Variants in ZNF395 observed in about 807,000 individuals in gnomAD.
ZNF395 encodes zinc finger protein 395.
A neutral mutation model predicts 57.7 loss-of-function variants in ZNF395; 20 were observed. That is an observed-to-expected ratio of 0.35 (90% confidence interval 0.24 to 0.50). ZNF395 has a LOEUF of 0.50. Among genes scored for constraint, ZNF395 ranks in the 20% least tolerant of loss-of-function variants. ZNF395 has a pLI of 0.97. For synonymous variants in ZNF395, 295 were observed against 275.9 expected (o/e 1.07, Z -0.69); for missense variants, 606 against 671.2 (o/e 0.90, Z 1.07).
Position 28,356,615 on chromosome 8 carries a change from T to A in ZNF395, c.583+55A>T. 1 of 1,356,392 alleles carries A rather than the reference T, an allele frequency of 7.4e-7. No individual in the cohort carries two copies. The highest frequency in any genetic ancestry group is 1.0e-6 in the Non-Finnish European group (1 of 955,856). 84.0% of individuals were successfully genotyped at this position (1,356,392 alleles called of 1,614,324 possible). ...GCAACTAGCTGCTCTGCACAGAGGA[T>A]GTTTGTCGTGGGCCTCTACCATGCC... On this transcript the variant is annotated intron_variant, in intron 4 of 9. Transcript: ENST00000344423. This position sits in a 1 kb window ranked among gnomAD's most constrained non-coding sequence, Gnocchi z 4.0.
rs1177563195 is a variant in ZNF395, at chr8:28,352,999, A to G, written c.819+174T>C. Among the ~76,000 whole-genome samples the G allele has an allele frequency of 1.3e-5, 2 of 152,198 alleles. No homozygotes were observed. The highest frequency in any genetic ancestry group is 2.9e-5 in the Non-Finnish European group (2 of 68,032). On this transcript the variant is annotated intron_variant, in intron 5 of 9. Transcript: ENST00000344423. This position sits in a 1 kb window ranked among gnomAD's most constrained non-coding sequence, Gnocchi z 4.0. ...AAACAGAAGAGGCTTTAAATAGGAG[A>G]AGGAGAATCCTGGGAATATCACCAG...
chr8:28,361,440 T>C (rs1490373283), intron 1 of ZNF395, among the ~76,000 whole-genome samples: 1 of 152,232 alleles, frequency 6.6e-6, no homozygotes, highest in Non-Finnish European at 1.5e-5. Flanking sequence ...AAAATGGGAT[T>C]GTTGTTTGGT....
Position 28,353,394 on chromosome 8 carries a change from AG to A in ZNF395, c.597del (p.Cys200AlafsTer77). On this transcript the variant is annotated frameshift_variant, in exon 5 of 10. Coordinates refer to ENST00000344423, the MANE Select transcript of ZNF395 (RefSeq NM_018660.3). LOFTEE classifies it high-confidence loss of function. ...TEANFSASRA[A>X]CDPWKESGDI... is the part of the protein sequence containing the mutation. ...TCACCACTCTCCTTCCATGGGTCGC[AG>A]GCCGCACGGGAAGCTGGCCAGATGA... 6.5e-7 allele frequency: 1 copy of A among 1,545,184 alleles called. No homozygotes were observed. The highest frequency in any genetic ancestry group is 1.2e-5 in the South Asian group (1 of 80,422).
In ZNF395 at chr8:28,360,870, T is replaced by G. The variant is rs17059022; in HGVS notation, c.240+15A>C. On this transcript the variant is annotated intron_variant, in intron 2 of 9. Transcript: ENST00000344423. ...TGGCAAGACGGGACACCTGTCCATG[T>G]TGGGATCAACCTACCTTCTGCCCAG... is the stretch of plus-strand genomic sequence containing the variant. The G allele has an allele frequency of 8.1e-6, 13 of 1,612,630 alleles. No homozygotes were observed. In the African/African-American group the frequency reaches 1.7e-4, roughly 22 times the overall value.
chr8:28,379,730 G>C (rs929133801), intron 1 of ZNF395, among the ~76,000 whole-genome samples: 1 of 151,366 alleles, frequency 6.6e-6, no homozygotes, highest in South Asian at 2.1e-4. Flanking sequence ...ATCACTGAAT[G>C]AATCATCTAC....
intron 1 of ZNF395, among the ~76,000 whole-genome samples, chr8:28,370,167 T>G (rs1437168604): frequency 1.3e-5 from 2 of 151,634 alleles, no homozygotes; most frequent in African/African-American, 4.9e-5. Flanking sequence ...ATTTTTGACA[T>G]CAGTTAGATA....
At chr8:28,374,227 TAA>T (rs1419566635) in intron 1 of ZNF395, among the ~76,000 whole-genome samples, 1 of 152,150 alleles carries the variant, frequency 6.6e-6, no homozygotes, top group Non-Finnish European at 1.5e-5. Context: ...GGCAATTCAG[TAA>T]AGAGACCTTA....
chr8:28,350,179 C>T, intron 7 of ZNF395, 23 bp from the exon 8 acceptor site: 1 of 1,580,910 alleles, frequency 6.3e-7, no homozygotes, highest in Non-Finnish European at 8.6e-7. Context: ...AGGGTGTCAG[C>T]CCGGATTCTA....
chr8:28,358,041 T>G (rs1315103671), intron 3 of ZNF395, among the ~76,000 whole-genome samples: 1 of 152,228 alleles, frequency 6.6e-6, no homozygotes, highest in African/African-American at 2.4e-5. Flanking sequence ...GTAAGCATGC[T>G]GCAGGCTGTG....
At chr8:28,351,880 G>A in intron 6 of ZNF395, 73 bp from the exon 7 acceptor site, 2 of 1,482,022 alleles carry the variant, frequency 1.3e-6, no homozygotes, top group East Asian at 2.3e-5. Flanking sequence ...CCGCGGTAGG[G>A]AGGGAAGTGA....
chr8:28,371,164 T>C (rs1801971296), intron 1 of ZNF395, among the ~76,000 whole-genome samples: 1 of 152,182 alleles, frequency 6.6e-6, no homozygotes, highest in Non-Finnish European at 1.5e-5. Flanking sequence ...TGAGCCCAAA[T>C]GTGTCTGATT....
chr8:28,369,466 G>C (rs1182068777), intron 1 of ZNF395, among the ~76,000 whole-genome samples: 1 of 152,154 alleles, frequency 6.6e-6, no homozygotes, highest in Non-Finnish European at 1.5e-5. Context: ...CCCATTTAGA[G>C]GCTTGCTGGT....
rs752754037 is a variant in ZNF395 at position 28,356,770 on chromosome 8, G to A, written c.483C>T (p.Asp161=). 28 of 1,613,812 alleles carry A rather than the reference G, an allele frequency of 1.7e-5. No individual in the cohort carries two copies. The highest frequency in any genetic ancestry group is 6.6e-5 in the South Asian group (6 of 91,060). ...CCATCATCTCATCCATTTCCACTGCGTCCGACTTCCTGGATTCACACGGAT... is the reference window on the plus strand; with the variant it reads ...CCATCATCTCATCCATTTCCACTGCATCCGACTTCCTGGATTCACACGGAT... The part of the protein sequence containing the change: ...RNIDVPKRKS[D]AVEMDEMMAA... The change falls in exon 4 of 10, where the codon GAC becomes GAT. Residue 161 remains aspartate (D), a synonymous_variant. Transcript: ENST00000344423. This position sits in a 1 kb window ranked among gnomAD's most constrained non-coding sequence, Gnocchi z 4.0.
intron 1 of ZNF395, among the ~76,000 whole-genome samples, chr8:28,373,068 G>C (rs1346446310): frequency 2.0e-5 from 3 of 152,226 alleles, no homozygotes; most frequent in Non-Finnish European, 4.4e-5. Flanking sequence ...AGTGCACACT[G>C]CATTTGGACA....
Position 28,352,613 on chromosome 8 carries a change from T to C in ZNF395, c.880A>G (p.Ile294Val). 1.2e-6 allele frequency: 2 copies of C among 1,614,162 alleles called. No homozygotes were observed. The highest frequency in any genetic ancestry group is 1.7e-5 in the Admixed American group (1 of 60,020). ...TTGACGTGTCGTTTGATGCCCACAA[T>C]GGAGCGCAGAACTTTGCCACAGTTT... The part of the protein sequence containing the change: ...WPNCGKVLRS[I>V]VGIKRHVKAL... The change falls in exon 6 of 10, where the codon ATT (isoleucine) becomes GTT (valine). Residue 294 changes from isoleucine to valine, a missense_variant. Transcript: ENST00000344423. The surrounding 1 kb of genome is among the most constrained non-coding windows in gnomAD (Gnocchi z 4.0).
At chr8:28,363,140 T>G (rs1457544179) in intron 1 of ZNF395, among the ~76,000 whole-genome samples, 2 of 151,904 alleles carry the variant, frequency 1.3e-5, no homozygotes, top group African/African-American at 2.4e-5. Flanking sequence ...GGTTTTTTTT[T>G]TTGTTTTTTA....
chr8:28,351,921 G>A (rs1187025904), intron 6 of ZNF395, 114 bp from the exon 7 acceptor site: 23 of 1,294,096 alleles, frequency 1.8e-5, no homozygotes, highest in Admixed American at 9.3e-5. Context: ...AGCCAGGGAC[G>A]GAGCCCAAGA....
rs546676315 is a variant in ZNF395, at chr8:28,355,051, A to T, written c.583+1619T>A. 3.9e-5 allele frequency among the ~76,000 whole-genome samples: 6 copies of T among 152,270 alleles called. No individual in the cohort carries two copies. The South Asian group carries it at 1.2e-3, about 32-fold the overall frequency. Reference sequence around the variant, plus strand: ...AGCAAAACGTTATCTATAAGTTATAAGTTAATGTGTAAGTTGTGACTCCAT... The same window carrying T: ...AGCAAAACGTTATCTATAAGTTATATGTTAATGTGTAAGTTGTGACTCCAT... On this transcript the variant is annotated intron_variant, in intron 4 of 9. Coordinates refer to ENST00000344423, the MANE Select transcript of ZNF395 (RefSeq NM_018660.3).
chr8:28,371,561 C>G (rs1801976351), intron 1 of ZNF395, among the ~76,000 whole-genome samples: 1 of 152,134 alleles, frequency 6.6e-6, no homozygotes, highest in South Asian at 2.1e-4. Flanking sequence ...ACCACATAAG[C>G]TTCCTTGTTT....
Sources: gnomAD v4.1 joint callset for allele counts (sites outside exome capture counted in the v4.1 genomes callset) on GRCh38, gnomAD v4.1.1 for gene constraint, Gnocchi (gnomAD v3.1) non-coding constraint, MANE v1.5 for transcripts, NCBI Gene and HGNC (gene_info 2026-07-23, HGNC 2026-07-21) for gene names.